The following TUSC3 variants were observed in gnomAD, a reference collection of about 807,000 sequenced individuals.
The protein encoded by TUSC3 is dolichyl-diphosphooligosaccharide--protein glycosyltransferase subunit TUSC3.
In TUSC3, 45 loss-of-function variants were observed where a neutral mutation model predicts 44.8. That is an observed-to-expected ratio of 1.00 (90% confidence interval 0.79 to 1.29). TUSC3 has a LOEUF of 1.29. Ranked by LOEUF, TUSC3 falls within the 50% of genes most tolerant of loss-of-function variation. The pLI is 0.00. For missense variants in TUSC3, 519 were observed against 437.9 expected (o/e 1.19, Z -1.65); for synonymous variants, 212 against 152.9 (o/e 1.39, Z -2.85).
chr8:15,693,728 C>T (rs933982655), intron 6 of TUSC3, among the ~76,000 whole-genome samples: 1 of 152,080 alleles, frequency 6.6e-6, no homozygotes, highest in Non-Finnish European at 1.5e-5. Context: ...GGATGATATT[C>T]TGAAATACAC....
intron 1 of TUSC3, among the ~76,000 whole-genome samples, chr8:15,445,254 T>C (rs545520792): frequency 7.0e-4 from 106 of 152,148 alleles, no homozygotes; most frequent in African/African-American, 2.3e-3. Flanking sequence ...GAGAAAACTA[T>C]CATCTCTTCT....
chr8:15,598,278 A>C (rs1046699465), intron 1 of TUSC3, among the ~76,000 whole-genome samples: 1 of 151,982 alleles, frequency 6.6e-6, no homozygotes, highest in African/African-American at 2.4e-5. Flanking sequence ...ATTTTGCATG[A>C]TACTTTACCA....
chr8:15,594,386 AT>A (rs962642127), intron 1 of TUSC3, among the ~76,000 whole-genome samples: 1 of 151,782 alleles, frequency 6.6e-6, no homozygotes, highest in African/African-American at 2.4e-5. Flanking sequence ...TGATCGATTG[AT>A]TTTTTTTCCT....
the TUSC3 span, among the ~76,000 whole-genome samples, chr8:15,833,314 A>G: frequency 6.6e-6 from 1 of 152,190 alleles, no homozygotes; most frequent in Non-Finnish European, 1.5e-5. Flanking sequence ...TTCCTCAAAG[A>G]CCTAAAGACA....
rs184216506 is a variant in TUSC3, at chr8:15,551,606, T to C, written c.138+11038T>C. Among the ~76,000 whole-genome samples the C allele has an allele frequency of 4.1e-3, 617 of 151,854 alleles. 22 individuals are homozygous for C. Among genetic ancestry groups the C allele is most frequent in the Non-Finnish European group, 9.7e-4 (66 of 67,878 alleles). Reference sequence around the variant, plus strand: ...TCTACAAAGCCATAAATTAAATCAGTAAGCTACTTTTGTTCATTGCTGTAG... The same window carrying C: ...TCTACAAAGCCATAAATTAAATCAGCAAGCTACTTTTGTTCATTGCTGTAG... On this transcript the variant is annotated intron_variant, in intron 1 of 10. Coordinates refer to ENST00000503731, the MANE Select transcript of TUSC3 (RefSeq NM_006765.4).
the TUSC3 span, among the ~76,000 whole-genome samples, chr8:15,812,001 G>T: frequency 6.6e-6 from 1 of 152,120 alleles, no homozygotes; most frequent in Non-Finnish European, 1.5e-5. Context: ...CCCATGGTTT[G>T]TCATTGAATT....
At position 15,461,746 on chromosome 8, in the gene TUSC3, AAAAAAAAAG is replaced by A. The variant is rs1485431769; in HGVS notation, n.92-21624_92-21616del. Among the ~76,000 whole-genome samples the A allele has an allele frequency of 1.8e-4, 27 of 150,156 alleles. 1 individual carries two copies. Among genetic ancestry groups the A allele is most frequent in the African/African-American group, 5.1e-4 (21 of 41,198 alleles). The stretch of plus-strand genomic sequence containing the variant: ...TTGCTAAGAGTTTTAATCATAAAGG[AAAAAAAAAG>A]AAAAAAAAGAAAAAATGAAGACATT... On this transcript the variant is annotated intron_variant and non_coding_transcript_variant, in intron 1 of 5. Coordinates refer to the TUSC3 transcript ENST00000503191.
the TUSC3 span, among the ~76,000 whole-genome samples, chr8:15,837,820 T>C: frequency 6.6e-6 from 1 of 152,312 alleles, no homozygotes; most frequent in South Asian, 2.1e-4. Flanking sequence ...TATTTTTGCT[T>C]TTTCAAACCC....
At chr8:15,559,500 C>T (rs890729368) in intron 1 of TUSC3, among the ~76,000 whole-genome samples, 37 of 142,740 alleles carry the variant, frequency 2.6e-4, no homozygotes, top group African/African-American at 9.0e-4. Flanking sequence ...GTGGAGAGTT[C>T]TGTAGATGTC....
In TUSC3 at chr8:15,659,617, A is replaced by T. The variant is rs143994939; in HGVS notation, c.537A>T (p.Ala179=). Residue 179 remains alanine (A), a synonymous_variant, in exon 4 of 11, where the codon GCA becomes GCT. Coordinates refer to ENST00000503731, the MANE Select transcript of TUSC3 (RefSeq NM_006765.4). The stretch of plus-strand genomic sequence containing the variant: ...TTGGATTTGCAGCTGAGCAACTAGC[A>T]AAGTGGATTGCTGACAGAACGGATG... ...QRIGFAAEQL[A]KWIADRTDVH... is the part of the protein sequence containing the mutation. 7.4e-6 allele frequency: 12 copies of T among 1,613,262 alleles called. No individual in the cohort carries two copies. The highest frequency in any genetic ancestry group is 1.7e-5 in the Admixed American group (1 of 59,984).
intron 1 of TUSC3, among the ~76,000 whole-genome samples, chr8:15,581,629 T>G (rs527248914): frequency 6.7e-5 from 10 of 149,164 alleles, no homozygotes; most frequent in South Asian, 4.3e-4. Flanking sequence ...TTAGGCTGCT[T>G]GGGGGTCAGG....
chr8:15,601,559 CA>C (rs1184240973), intron 1 of TUSC3, among the ~76,000 whole-genome samples: 3 of 151,652 alleles, frequency 2.0e-5, no homozygotes, highest in South Asian at 2.1e-4. Context: ...CACAGCTGAT[CA>C]GGGGTAGAAA....
chr8:15,741,988 C>A (rs1182411348), intron 7 of TUSC3, among the ~76,000 whole-genome samples: 1 of 152,082 alleles, frequency 6.6e-6, no homozygotes, highest in Non-Finnish European at 1.5e-5. Context: ...TGTCCCATGT[C>A]TGTGGATTCG....
chr8:15,490,729 C>T (rs567504224), intron 2 of TUSC3, among the ~76,000 whole-genome samples: 1 of 152,322 alleles, frequency 6.6e-6, no homozygotes, highest in Non-Finnish European at 1.5e-5. Flanking sequence ...AAAAATAATA[C>T]TTTGTTTTAT....
At chr8:15,780,145 A>G in the TUSC3 span, among the ~76,000 whole-genome samples, 1 of 152,196 alleles carries the variant, frequency 6.6e-6, no homozygotes, top group South Asian at 2.1e-4. Context: ...CCAAATAAAC[A>G]TATGTTCATG....
chr8:15,555,047 T>C (rs141899075), intron 1 of TUSC3, among the ~76,000 whole-genome samples: 16 of 151,068 alleles, frequency 1.1e-4, no homozygotes, highest in South Asian at 6.3e-4. Flanking sequence ...ATTATAGATA[T>C]AGAGAATGTA....
chr8:15,669,459 T>C (rs1388230640), intron 5 of TUSC3, among the ~76,000 whole-genome samples: 3 of 151,790 alleles, frequency 2.0e-5, no homozygotes, highest in Admixed American at 2.0e-4. Context: ...GATAGGCCAG[T>C]CTTTCTCATG....
At chr8:15,678,621 T>G (rs1808289260) in intron 6 of TUSC3, among the ~76,000 whole-genome samples, 1 of 152,206 alleles carries the variant, frequency 6.6e-6, no homozygotes, top group Admixed American at 6.5e-5. Flanking sequence ...ATAGGAAATT[T>G]TGTCTTTATT....
the TUSC3 span, among the ~76,000 whole-genome samples, chr8:15,848,014 T>C: frequency 1.6e-4 from 25 of 152,100 alleles, no homozygotes; most frequent in Non-Finnish European, 2.9e-4. Context: ...GCAATACATA[T>C]TTATTCTCTT....
Sources: allele counts gnomAD v4.1 joint callset (sites outside exome capture counted in the v4.1 genomes callset), GRCh38; gene constraint gnomAD v4.1.1; transcripts MANE v1.5; gene names NCBI Gene and HGNC (gene_info 2026-07-23, HGNC 2026-07-21).